The following MPC1 variants were observed in gnomAD, a reference collection of about 807,000 sequenced individuals.
MPC1 encodes the protein mitochondrial pyruvate carrier 1.
A neutral mutation model predicts 13.9 loss-of-function variants in MPC1; 6 were observed. The ratio of observed to expected loss-of-function variants is 0.43; its 90% confidence interval spans 0.24 to 0.85. The LOEUF (loss-of-function observed/expected upper bound fraction) is 0.85, where lower values mean the gene tolerates loss of function less well. Ranked by LOEUF, MPC1 falls within the 40% of genes least tolerant of loss-of-function variation. The pLI is 0.24. For synonymous variants in MPC1, 47 were observed against 50.5 expected (o/e 0.93, Z 0.29); for missense variants, 115 against 143.3 (o/e 0.80, Z 1.01).
chr6:166,376,381 A>G lies in MPC1; in HGVS notation c.72-6160T>C, dbSNP rs6921208. ...ACCACTGGTGTAAATCCTAGAGTCC[A>G]AAAGCCCAAGAACCTAGTGTTCTGA... On this transcript the variant is annotated intron_variant, in intron 1 of 4. Transcript: ENST00000360961. 3.7e-3 allele frequency among the ~76,000 whole-genome samples: 563 copies of G among 152,334 alleles called. 7 individuals are homozygous for G. The highest frequency in any genetic ancestry group is 0.012 in the African/African-American group (506 of 41,570).
chr6:166,368,178 C>T (rs1779232671), intron 2 of MPC1, among the ~76,000 whole-genome samples: 2 of 152,232 alleles, frequency 1.3e-5, no homozygotes, highest in African/African-American at 4.8e-5. Flanking sequence ...ACTACTGCAA[C>T]TTTCACTTAA....
At chr6:166,366,162 A>C (rs907389464) in intron 3 of MPC1, 56 bp from the exon 4 acceptor site, 2 of 1,583,474 alleles carry the variant, frequency 1.3e-6, no homozygotes, top group Non-Finnish European at 1.7e-6. Flanking sequence ...GAGAGGGTTG[A>C]TAGGACCACA....
At chr6:166,373,265 A>C (rs1466704943) in intron 1 of MPC1, among the ~76,000 whole-genome samples, 1 of 152,192 alleles carries the variant, frequency 6.6e-6, no homozygotes, top group Non-Finnish European at 1.5e-5. Flanking sequence ...GTCTTACAGT[A>C]GTTTCACTCT....
At chr6:166,366,742 A>G in intron 3 of MPC1, 53 bp downstream of exon 3, 1 of 1,523,364 alleles carries the variant, frequency 6.6e-7, no homozygotes, top group Non-Finnish European at 9.1e-7. Flanking sequence ...AAATGCAAGC[A>G]GGAGCTCTAC....
intron 1 of MPC1, among the ~76,000 whole-genome samples, chr6:166,379,633 T>TTTAAAA (rs1779694467): frequency 6.6e-6 from 1 of 152,240 alleles, no homozygotes; most frequent in South Asian, 2.1e-4. Context: ...GTTATTAATT[T>TTTAAAA]TTAAAATTCT....
intron 1 of MPC1, among the ~76,000 whole-genome samples, chr6:166,374,082 G>A (rs1354041573): frequency 6.6e-6 from 1 of 152,018 alleles, no homozygotes; most frequent in Non-Finnish European, 1.5e-5. Context: ...TGCCTCCCGG[G>A]TTCAAGTGAT....
At chr6:166,378,626 G>T (rs1194069262) in intron 1 of MPC1, among the ~76,000 whole-genome samples, 5 of 152,158 alleles carry the variant, frequency 3.3e-5, no homozygotes, top group African/African-American at 1.2e-4. Context: ...AAGAGGAAAA[G>T]CAAAGAAGAG....
At chr6:166,368,605 T>G (rs1288231828) in intron 2 of MPC1, 2 of 184,490 alleles carry the variant, frequency 1.1e-5, no homozygotes, top group African/African-American at 2.4e-5. Context: ...AGAAGTACAC[T>G]CCTGCAGAAT....
intron 2 of MPC1, 45 bp downstream of exon 2, chr6:166,370,173 A>G: frequency 1.3e-6 from 1 of 781,040 alleles, no homozygotes; most frequent in Non-Finnish European, 2.4e-6. Context: ...CTGTTAATGC[A>G]GAAAGTCTGC....
chr6:166,373,247 A>C (rs1779446367), intron 1 of MPC1, among the ~76,000 whole-genome samples: 1 of 152,154 alleles, frequency 6.6e-6, no homozygotes, highest in South Asian at 2.1e-4. Context: ...CGCGTCCATC[A>C]TCATAGTGTC....
intron 1 of MPC1, chr6:166,381,719 CT>C (rs1779790778): frequency 1.4e-6 from 1 of 737,412 alleles, no homozygotes; most frequent in African/African-American, 1.9e-5. Flanking sequence ...CGCGAATGCT[CT>C]TTGTTTCTAA....
At position 166,365,647 on chromosome 6, in the gene MPC1, T is replaced by A. The variant is rs1235180802; in HGVS notation, c.306-194A>T. Among the ~76,000 whole-genome samples, 1 of 152,202 alleles carries A rather than the reference T, an allele frequency of 6.6e-6. No homozygotes were observed. The highest frequency in any genetic ancestry group is 1.5e-5 in the Non-Finnish European group (1 of 68,044). On this transcript the variant is annotated intron_variant, in intron 4 of 4. Coordinates refer to ENST00000360961, the MANE Select transcript of MPC1 (RefSeq NM_016098.4). This position sits in a 1 kb window ranked among gnomAD's most constrained non-coding sequence, Gnocchi z 4.2. ...AGACATGTTTCAGATTTTTTCAGAT[T>A]TCGGAATAACTGGATTATACCAGTT...
At position 166,366,993 on chromosome 6, in the gene MPC1, G is replaced by A. The variant is rs6913353; in HGVS notation, c.76-102C>T. ...CTTTAAATAATCACGTGAAACTCGT[G>A]AGAACAAATCTTCGTTTCCATCTTG... On this transcript the variant is annotated intron_variant, in intron 2 of 4. Transcript: ENST00000360961. 0.012 allele frequency: 19,408 copies of A among 1,583,828 alleles called. 1,938 individuals are homozygous for A. In the African/African-American group the frequency reaches 0.22, roughly 18 times the overall value.
chr6:166,377,433 C>G (rs1363846769), intron 1 of MPC1, among the ~76,000 whole-genome samples: 1 of 152,150 alleles, frequency 6.6e-6, no homozygotes, highest in East Asian at 1.9e-4. Flanking sequence ...TGAAAAGGAG[C>G]AGAGGAGCTG....
intron 1 of MPC1, 104 bp downstream of exon 1, chr6:166,382,702 C>G (rs1779847933): frequency 8.1e-7 from 1 of 1,240,874 alleles, no homozygotes; most frequent in Admixed American, 3.5e-5. Context: ...ACCCGCTGCC[C>G]GGGGCCACCG....
At chr6:166,379,489 G>A (rs1394871530) in intron 1 of MPC1, among the ~76,000 whole-genome samples, 2 of 152,084 alleles carry the variant, frequency 1.3e-5, no homozygotes, top group African/African-American at 2.4e-5. Context: ...GTAATACCCT[G>A]TCTCTAAATA....
intron 1 of MPC1, among the ~76,000 whole-genome samples, chr6:166,377,338 G>A (rs931034482): frequency 1.3e-5 from 2 of 152,040 alleles, no homozygotes; most frequent in Non-Finnish European, 2.9e-5. Context: ...GGCCAGAGTT[G>A]AACACCTTGT....
chr6:166,367,392 TAAGAG>T lies in MPC1; in HGVS notation c.76-506_76-502del, dbSNP rs1156900581. Reference sequence around the variant, plus strand: ...TACTTTTCTGAAGAAAGAAGCTTAATAAGAGAATAAATTGTTTTTCAGCTCATATG... The same window carrying T: ...TACTTTTCTGAAGAAAGAAGCTTAATAATAAATTGTTTTTCAGCTCATATG... On this transcript the variant is annotated intron_variant, in intron 2 of 4. Transcript: ENST00000360961. Among the ~76,000 whole-genome samples, 3 of 152,188 alleles carry T rather than the reference TAAGAG, an allele frequency of 2.0e-5. No individual in the cohort carries two copies. In the South Asian group the frequency reaches 6.2e-4, roughly 32 times the overall value.
chr6:166,365,436 G>T lies in MPC1; in HGVS notation c.323C>A (p.Ser108Tyr). The change falls in exon 5 of 5, where the codon TCT becomes TAT. Residue 108 changes from serine to tyrosine, a missense_variant. Physicochemically the swap from Ser to Tyr is moderately radical, Grantham distance 144. Transcript: ENST00000360961. The surrounding 1 kb of genome is among the most constrained non-coding windows in gnomAD (Gnocchi z 4.2). Reference sequence around the variant, plus strand: ...GTTCTTCCTTTTCCATTGTTATGCAGATGCCGTTTTAGTCATCCTGGAAAG... The same window carrying T: ...GTTCTTCCTTTTCCATTGTTATGCATATGCCGTTTTAGTCATCCTGGAAAG... ...LIKHEMTKTA[S>Y]A 1 of 1,581,600 alleles carries T rather than the reference G, an allele frequency of 6.3e-7. No individual in the cohort carries two copies.
Sources: allele counts gnomAD v4.1 joint callset (sites outside exome capture counted in the v4.1 genomes callset), GRCh38; gene constraint gnomAD v4.1.1; non-coding constraint Gnocchi (gnomAD v3.1); transcripts MANE v1.5; gene names NCBI Gene and HGNC (gene_info 2026-07-23, HGNC 2026-07-21).